Variants in ADAM22 observed in about 807,000 individuals in gnomAD.
ADAM22 encodes the protein disintegrin and metalloproteinase domain-containing protein 22.
Under a neutral mutation model 144.6 loss-of-function variants are expected in ADAM22, and 65 were observed. The observed-to-expected ratio is 0.45, with a 90% confidence interval of 0.37 to 0.55. The LOEUF (loss-of-function observed/expected upper bound fraction) is 0.55. Among genes scored for constraint, ADAM22 ranks in the 20% least tolerant of loss-of-function variants. The probability of loss-of-function intolerance (pLI) is 0.00; values close to 1 mark genes in which losing one functional copy is unlikely to be tolerated. For missense variants in ADAM22, 974 were observed against 1,184.9 expected (o/e 0.82, Z 2.61); for synonymous variants, 391 against 412.6 (o/e 0.95, Z 0.63).
At chr7:88,122,222 G>A (rs1027700438) in intron 7 of ADAM22, among the ~76,000 whole-genome samples, 3 of 152,150 alleles carry the variant, frequency 2.0e-5, no homozygotes, top group African/African-American at 7.2e-5. Flanking sequence ...TCTCACATAG[G>A]CCTCTCCATA....
chr7:88,164,442 TTTAAC>T (rs1180632609), intron 23 of ADAM22, among the ~76,000 whole-genome samples: 1 of 152,034 alleles, frequency 6.6e-6, no homozygotes, highest in Non-Finnish European at 1.5e-5. Context: ...TTGGGGTAAT[TTTAAC>T]TTACAGCAAC....
intron 10 of ADAM22, 44 bp downstream of exon 10, chr7:88,130,503 T>C (rs773006858): frequency 6.5e-7 from 1 of 1,539,620 alleles, no homozygotes. Flanking sequence ...AGATTCTTAT[T>C]TCCTAATTGC....
At chr7:88,083,534 A>T (rs1817517639) in intron 4 of ADAM22, among the ~76,000 whole-genome samples, 1 of 151,596 alleles carries the variant, frequency 6.6e-6, no homozygotes. Context: ...ATCATCCAGC[A>T]TCAATAGTTA....
rs1449136096 is a variant in ADAM22 at position 88,197,505 on chromosome 7, C to T, written c.*1014C>T. On this transcript the variant is annotated 3_prime_UTR_variant, in exon 32 of 32. Coordinates refer to ENST00000413139, the MANE Select transcript of ADAM22 (RefSeq NM_001324418.2). ...ATCTCATCCCAGTGAGCCAGCCCCT[C>T]AGCAGTGTGTGCTGCTGAGATTAAG... 4 of 152,218 alleles carry T rather than the reference C, an allele frequency of 2.6e-5. No homozygotes were observed. The highest frequency in any genetic ancestry group is 1.3e-4 in the Admixed American group (2 of 15,280). The allele number at this position is 152,218 out of a possible 1,614,324, so 9.4% of individuals were successfully genotyped here. A position where few individuals can be genotyped will look rare whatever the true frequency, so the allele number is the denominator to read the frequency against.
At chr7:87,957,730 G>T (rs757062617) in intron 2 of ADAM22, among the ~76,000 whole-genome samples, 26 of 151,934 alleles carry the variant, frequency 1.7e-4, no homozygotes, top group Non-Finnish European at 3.4e-4. Context: ...TTACAGGTGC[G>T]CACTACCATG....
chr7:88,130,707 A>T (rs1161402131), intron 10 of ADAM22, among the ~76,000 whole-genome samples: 1 of 152,160 alleles, frequency 6.6e-6, no homozygotes, highest in East Asian at 1.9e-4. Context: ...TGTAAAAACA[A>T]AGGTTGTGTC....
At chr7:88,159,574 TG>T (rs1012496297) in intron 22 of ADAM22, among the ~76,000 whole-genome samples, 16 of 152,232 alleles carry the variant, frequency 1.1e-4, no homozygotes, top group African/African-American at 3.4e-4. Context: ...AGGTAGGCTT[TG>T]TTCCCGGGTT....
At chr7:88,044,315 G>A (rs1803949427) in intron 3 of ADAM22, among the ~76,000 whole-genome samples, 1 of 152,142 alleles carries the variant, frequency 6.6e-6, no homozygotes, top group South Asian at 2.1e-4. Flanking sequence ...TGTCTTTAGA[G>A]TGCTCAGGAA....
chr7:88,163,435 T>C (rs1449947989), intron 23 of ADAM22, among the ~76,000 whole-genome samples: 1 of 152,078 alleles, frequency 6.6e-6, no homozygotes, highest in East Asian at 1.9e-4. Flanking sequence ...TGATCTCATA[T>C]AATATAATGC....
intron 3 of ADAM22, among the ~76,000 whole-genome samples, chr7:88,004,900 T>C (rs543418394): frequency 3.3e-4 from 50 of 152,300 alleles, no homozygotes; most frequent in African/African-American, 1.2e-3. Context: ...ATTTTCTTGA[T>C]GGAGAGGGTC....
At chr7:88,066,422 T>C (rs1409164377) in intron 3 of ADAM22, among the ~76,000 whole-genome samples, 1 of 152,052 alleles carries the variant, frequency 6.6e-6, no homozygotes, top group Non-Finnish European at 1.5e-5. Flanking sequence ...CTTGGAAGAT[T>C]ATAGGAGAAT....
chr7:88,024,858 A>G (rs1374648709), intron 3 of ADAM22, among the ~76,000 whole-genome samples: 1 of 152,074 alleles, frequency 6.6e-6, no homozygotes, highest in African/African-American at 2.4e-5. Flanking sequence ...ACCTTCATCC[A>G]TGTCCCTACA....
chr7:88,019,569 C>T (rs56160917), intron 3 of ADAM22, among the ~76,000 whole-genome samples: 60,598 of 151,900 alleles, frequency 0.4, 13,378 homozygotes, highest in East Asian at 0.6. Context: ...TTGTTCTGGC[C>T]GGGTGTGGTG....
intron 4 of ADAM22, among the ~76,000 whole-genome samples, chr7:88,106,577 C>A (rs116433530): frequency 2.0e-5 from 3 of 152,164 alleles, no homozygotes; most frequent in Non-Finnish European, 4.4e-5. Context: ...CCCATCCTAT[C>A]GGTCCTTTCT....
chr7:87,966,741 T>G (rs1003253968), intron 2 of ADAM22, among the ~76,000 whole-genome samples: 8 of 138,832 alleles, frequency 5.8e-5, no homozygotes, highest in South Asian at 2.4e-4. Context: ...TTTTTTTTTT[T>G]TTTTTTTTTT....
At chr7:88,011,672 A>C (rs925582514) in intron 3 of ADAM22, among the ~76,000 whole-genome samples, 2 of 152,086 alleles carry the variant, frequency 1.3e-5, no homozygotes, top group Non-Finnish European at 2.9e-5. Flanking sequence ...GTGAACCCTG[A>C]AAGTAACCCT....
chr7:87,968,314 C>T (rs933785782), intron 2 of ADAM22, among the ~76,000 whole-genome samples: 4 of 152,126 alleles, frequency 2.6e-5, no homozygotes, highest in African/African-American at 4.8e-5. Flanking sequence ...GCCTGGGATC[C>T]ACTGCAGACC....
chr7:87,966,721 G>GTTTTTTTTTTTTTTTTTTTT lies in ADAM22; in HGVS notation c.247-11603_247-11584dup, dbSNP rs71120012. On this transcript the variant is annotated intron_variant, in intron 2 of 31. Transcript: ENST00000413139. ...GAGTTCATCTTATCCAAGGAAAGCC[G>GTTTTTTTTTTTTTTTTTTTT]TTTTTTTTTTTTTTTTTTTTTTTTT... Among the ~76,000 whole-genome samples the GTTTTTTTTTTTTTTTTTTTT allele has an allele frequency of 1.5e-4, 6 of 39,886 alleles. 1 individual carries two copies. Among genetic ancestry groups the GTTTTTTTTTTTTTTTTTTTT allele is most frequent in the African/African-American group, 4.6e-4 (4 of 8,722 alleles). 26.2% of individuals were successfully genotyped at this position (39,886 alleles called of 152,430 possible). A position where few individuals can be genotyped will look rare whatever the true frequency, so the allele number is the denominator to read the frequency against.
At chr7:88,121,715 AAG>A (rs1437382922) in intron 7 of ADAM22, among the ~76,000 whole-genome samples, 3 of 152,128 alleles carry the variant, frequency 2.0e-5, no homozygotes, top group Non-Finnish European at 4.4e-5. Flanking sequence ...AGACCAAGAG[AAG>A]AGAGAATGAG....
Sources: gnomAD v4.1 joint callset for allele counts (sites outside exome capture counted in the v4.1 genomes callset) on GRCh38, gnomAD v4.1.1 for gene constraint, MANE v1.5 for transcripts, NCBI Gene and HGNC (gene_info 2026-07-23, HGNC 2026-07-21) for gene names.